GPR158: variants seen among roughly 807,000 people sequenced by gnomAD.
The protein encoded by GPR158 is metabotropic glycine receptor.
Under a neutral mutation model 78.2 loss-of-function variants are expected in GPR158, and 30 were observed. The ratio of observed to expected loss-of-function variants is 0.38; its 90% CI spans 0.29 to 0.52. The LOEUF (loss-of-function observed/expected upper bound fraction) is 0.52, where lower values mean the gene tolerates loss of function less well. Ranked by LOEUF, GPR158 falls within the 20% of genes least tolerant of loss-of-function variation. The pLI is 0.83. For missense variants in GPR158, 1,463 were observed against 1,523.5 expected (o/e 0.96, Z 0.66); for synonymous variants, 581 against 591.1 (o/e 0.98, Z 0.25).
intron 9 of GPR158, among the ~76,000 whole-genome samples, chr10:25,594,606 T>A (rs996433227): frequency 1.3e-5 from 2 of 152,128 alleles, no homozygotes; most frequent in African/African-American, 4.8e-5. Flanking sequence ...CAAAAACCCA[T>A]CATCTGTTTC....
chr10:25,548,956 A>G (rs1836697481), intron 5 of GPR158, among the ~76,000 whole-genome samples: 1 of 152,172 alleles, frequency 6.6e-6, no homozygotes, highest in Admixed American at 6.5e-5. Context: ...CGGACAGCTC[A>G]AAAATGAGTA....
chr10:25,433,536 G>GTGCGTGTGTGTGT lies in GPR158; in HGVS notation c.1335+21065_1335+21066insCGTGTGTGTGTTG, dbSNP rs1564454553. Among the ~76,000 whole-genome samples, 758 of 131,892 alleles carry GTGCGTGTGTGTGT rather than the reference G, an allele frequency of 5.7e-3. 6 individuals are homozygous for GTGCGTGTGTGTGT. The highest frequency in any genetic ancestry group is 0.023 in the African/African-American group (734 of 32,354). 86.5% of individuals were successfully genotyped at this position (131,892 alleles called of 152,430 possible). A position where few individuals can be genotyped will look rare whatever the true frequency, so the allele number is the denominator to read the frequency against. On this transcript the variant is annotated intron_variant, in intron 4 of 10. Coordinates refer to ENST00000376351, the MANE Select transcript of GPR158 (RefSeq NM_020752.3). ...AAGGAAATGGTTTAGTTAGGGGTGT[G>GTGCGTGTGTGTGT]TGTGTGTGTGTTGTGTGTGTGTGTG...
At chr10:25,404,106 A>C (rs1253325584) in intron 3 of GPR158, among the ~76,000 whole-genome samples, 1 of 152,132 alleles carries the variant, frequency 6.6e-6, no homozygotes, top group East Asian at 1.9e-4. Context: ...AGCATAAATC[A>C]GCAAACTATT....
intron 5 of GPR158, among the ~76,000 whole-genome samples, chr10:25,513,176 T>TG (rs1475137065): frequency 5.3e-5 from 8 of 151,436 alleles, no homozygotes; most frequent in African/African-American, 2.0e-4. Flanking sequence ...GGATTTTTTT[T>TG]TTTTGTTGGC....
intron 5 of GPR158, among the ~76,000 whole-genome samples, chr10:25,535,661 T>C (rs568105179): frequency 5.3e-5 from 8 of 152,314 alleles, no homozygotes; most frequent in African/African-American, 1.9e-4. Flanking sequence ...CCACTAAGTT[T>C]GTGGTATTTG....
chr10:25,207,958 C>A (rs181197392), intron 1 of GPR158, among the ~76,000 whole-genome samples: 1 of 152,252 alleles, frequency 6.6e-6, no homozygotes, highest in East Asian at 1.9e-4. Flanking sequence ...CTTATGCTAT[C>A]ATTAACACAA....
chr10:25,506,161 G>T (rs1836010529), intron 5 of GPR158, among the ~76,000 whole-genome samples: 1 of 152,198 alleles, frequency 6.6e-6, no homozygotes, highest in Non-Finnish European at 1.5e-5. Flanking sequence ...GCCAGTTATG[G>T]ATCATTTTTG....
At chr10:25,400,962 G>T (rs552052848) in intron 3 of GPR158, among the ~76,000 whole-genome samples, 1 of 152,142 alleles carries the variant, frequency 6.6e-6, no homozygotes, top group Non-Finnish European at 1.5e-5. Flanking sequence ...ATGCAGTTCT[G>T]GAAGAAAAAG....
chr10:25,510,778 A>T (rs543008780), intron 5 of GPR158, among the ~76,000 whole-genome samples: 1 of 152,258 alleles, frequency 6.6e-6, no homozygotes, highest in African/African-American at 2.4e-5. Context: ...GCTCCCACTT[A>T]TGTGTAAGAA....
intron 5 of GPR158, among the ~76,000 whole-genome samples, chr10:25,478,215 G>T (rs1835615224): frequency 6.6e-6 from 1 of 152,248 alleles, no homozygotes; most frequent in African/African-American, 2.4e-5. Flanking sequence ...AAAATTGAGA[G>T]TTGGAATCTT....
chr10:25,372,617 C>G (rs1481641420), intron 2 of GPR158, among the ~76,000 whole-genome samples: 2 of 144,496 alleles, frequency 1.4e-5, no homozygotes, highest in East Asian at 4.1e-4. Context: ...AACAAAAAAC[C>G]AAACACCGCA....
intron 3 of GPR158, among the ~76,000 whole-genome samples, chr10:25,410,782 C>A (rs905219430): frequency 6.6e-6 from 1 of 152,140 alleles, no homozygotes; most frequent in Non-Finnish European, 1.5e-5. Flanking sequence ...TGCTTTTCAT[C>A]ATGTAACAGA....
chr10:25,481,499 C>A (rs972077612), intron 5 of GPR158, among the ~76,000 whole-genome samples: 1 of 152,078 alleles, frequency 6.6e-6, no homozygotes, highest in African/African-American at 2.4e-5. Context: ...GGGACCTGTT[C>A]GGTGTATGAG....
At chr10:25,382,890 G>A (rs981301783) in intron 2 of GPR158, among the ~76,000 whole-genome samples, 2 of 151,988 alleles carry the variant, frequency 1.3e-5, no homozygotes, top group Admixed American at 1.3e-4. Context: ...GGAGTGTAGT[G>A]GCATGATCTC....
intron 5 of GPR158, among the ~76,000 whole-genome samples, chr10:25,507,791 A>C (rs113948502): frequency 1.1e-4 from 16 of 152,352 alleles, no homozygotes; most frequent in African/African-American, 3.8e-4. Context: ...CTCCTTTGAC[A>C]CACAAAAGAA....
chr10:25,448,909 A>G (rs1835176857), intron 4 of GPR158, among the ~76,000 whole-genome samples: 1 of 152,208 alleles, frequency 6.6e-6, no homozygotes, highest in Non-Finnish European at 1.5e-5. Context: ...AGTTTGGAAA[A>G]TATTGAAAAT....
intron 2 of GPR158, among the ~76,000 whole-genome samples, chr10:25,241,133 CTT>C (rs1255139556): frequency 2.9e-5 from 1 of 34,714 alleles, no homozygotes; most frequent in Non-Finnish European, 7.4e-5. Context: ...GATTTTCTTT[CTT>C]TCTTTCTTTC....
intron 1 of GPR158, among the ~76,000 whole-genome samples, chr10:25,189,095 C>T (rs1003886091): frequency 1.5e-4 from 23 of 152,192 alleles, no homozygotes; most frequent in Admixed American, 1.4e-3. Context: ...TACCATCTCA[C>T]ACCAGTTAGA....
At chr10:25,376,457 C>A (rs1834081104) in intron 2 of GPR158, among the ~76,000 whole-genome samples, 1 of 151,496 alleles carries the variant, frequency 6.6e-6, no homozygotes, top group Non-Finnish European at 1.5e-5. Context: ...TCTGTAATTT[C>A]TTCTCACCAC....
Sources: gnomAD v4.1 joint callset for allele counts (sites outside exome capture counted in the v4.1 genomes callset) on GRCh38, gnomAD v4.1.1 for gene constraint, MANE v1.5 for transcripts, NCBI Gene and HGNC (gene_info 2026-07-23, HGNC 2026-07-21) for gene names.